DCSTAMP: variants seen among roughly 807,000 people sequenced by gnomAD.
The protein encoded by DCSTAMP is dendritic cell-specific transmembrane protein.
DCSTAMP carries 25 observed loss-of-function variants against 33.8 expected under a neutral mutation model. That is an observed-to-expected ratio of 0.74 (90% CI 0.54 to 1.03). The LOEUF (loss-of-function observed/expected upper bound fraction) is 1.03. DCSTAMP is among the 50% of genes least tolerant of loss of function. The pLI is 0.00. For synonymous variants in DCSTAMP, 245 were observed against 216.7 expected (o/e 1.13, Z -1.15); for missense variants, 531 against 556.8 (o/e 0.95, Z 0.47).
In DCSTAMP at chr8:104,349,089, C is replaced by A. The variant is rs745982203; in HGVS notation, c.537C>A (p.Ser179Arg). Reference sequence around the variant, plus strand: ...TGGCAGTCTCTCTTTTCAGTCCCAGCCATGTCCTGGAGGCACAGCTAAATG... The same window carrying A: ...TGGCAGTCTCTCTTTTCAGTCCCAGACATGTCCTGGAGGCACAGCTAAATG... ...QTLAVSLFSP[S>R]HVLEAQLNDS... Residue 179 changes from serine (S) to arginine (R), a missense_variant, in exon 2 of 4, where the codon AGC (serine) becomes AGA (arginine). Physicochemically the swap from Ser to Arg is moderately radical, Grantham distance 110. Transcript: ENST00000297581. 11 of 1,614,110 alleles carry A rather than the reference C, an allele frequency of 6.8e-6. No homozygotes were observed. In the Admixed American group the frequency reaches 1.8e-4, roughly 27 times the overall value.
chr8:104,354,953 C>A lies in DCSTAMP; in HGVS notation c.1106C>A (p.Pro369Gln), dbSNP rs146130500. 1.9e-6 allele frequency: 3 copies of A among 1,613,666 alleles called. No homozygotes were observed. The highest frequency in any genetic ancestry group is 1.3e-5 in the African/African-American group (1 of 74,988). ...TTTGAACCCAACTGTATCCCAAAAC[C>A]AAAATTCCTTCTATCTGAGACCTGG... Reference protein sequence around the residue: ...SVFEPNCIPKPKFLLSETWVP... With the variant: ...SVFEPNCIPKQKFLLSETWVP... The change falls in exon 3 of 4, where the codon CCA (proline) becomes CAA (glutamine). Residue 369 changes from proline (P) to glutamine (Q), a missense_variant. Transcript: ENST00000297581.
At chr8:104,350,747 A>G (rs909249425) in intron 2 of DCSTAMP, among the ~76,000 whole-genome samples, 1 of 152,238 alleles carries the variant, frequency 6.6e-6, no homozygotes, top group Non-Finnish European at 1.5e-5. Context: ...ACTCTGGTCT[A>G]GGTCTTAGAA....
Position 104,349,417 on chromosome 8 carries a change from G to T in DCSTAMP, c.865G>T (p.Glu289Ter). The T allele has an allele frequency of 6.2e-7, 1 of 1,614,142 alleles. No homozygotes were observed. Among genetic ancestry groups the T allele is most frequent in the Non-Finnish European group, 8.5e-7 (1 of 1,180,024 alleles). ...IIPTFWPTPK[E>*]RKNLGLFFLP... Reference sequence around the variant, plus strand: ...CCCGACTTTCTGGCCGACTCCTAAAGAAAGGAAAAACCTGGGGCTGTTTTT... The same window carrying T: ...CCCGACTTTCTGGCCGACTCCTAAATAAAGGAAAAACCTGGGGCTGTTTTT... Residue 289 changes from glutamate (E) to a stop codon, truncating the protein, a stop_gained, in exon 2 of 4, where the codon GAA becomes TAA. Coordinates refer to ENST00000297581, the MANE Select transcript of DCSTAMP (RefSeq NM_030788.4). LOFTEE classifies it high-confidence loss of function.
At position 104,348,844 on chromosome 8, in the gene DCSTAMP, T is replaced by C; in HGVS notation, c.292T>C (p.Leu98=). 6.2e-7 allele frequency: 1 copy of C among 1,614,240 alleles called. No homozygotes were observed. Among genetic ancestry groups the C allele is most frequent in the Non-Finnish European group, 8.5e-7 (1 of 1,180,040 alleles). ...TGGCCTGCGTGAAGGCAGGAATGCT[T>C]TGATTGCAGCTGGCACAGGGATCGT... is the stretch of plus-strand genomic sequence containing the variant. ...SCGLREGRNA[L]IAAGTGIVIL... Residue 98 remains leucine (L), a synonymous_variant, in exon 2 of 4, where the codon TTG becomes CTG. Transcript: ENST00000297581.
At chr8:104,340,527 CAGGTGCTGGGCTTTG>C (rs772836513) in intron 1 of DCSTAMP, 1 of 152,224 alleles carries the variant, frequency 6.6e-6, no homozygotes, top group Non-Finnish European at 1.5e-5. Context: ...GTTCCACTCC[CAGGTGCTGGGCTTTG>C]ATGTTCTGTC....
At chr8:104,340,865 G>A (rs1459417583) in intron 1 of DCSTAMP, among the ~76,000 whole-genome samples, 2 of 152,218 alleles carry the variant, frequency 1.3e-5, no homozygotes, top group East Asian at 1.9e-4. Context: ...GCAGGGGACC[G>A]GCAGGGCTGG....
rs753551234 is a variant in DCSTAMP at position 104,354,934 on chromosome 8, C to T, written c.1087C>T (p.Pro363Ser). Reference sequence around the variant, plus strand: ...TTCCTTTAATATATCTGTGTTTGAACCCAACTGTATCCCAAAACCAAAATT... The same window carrying T: ...TTCCTTTAATATATCTGTGTTTGAATCCAACTGTATCCCAAAACCAAAATT... ...DSSFNISVFE[P>S]NCIPKPKFLL... is the part of the protein sequence containing the mutation. Residue 363 changes from proline (P) to serine (S), a missense_variant, in exon 3 of 4, where the codon CCC becomes TCC. By Grantham distance (74) the Pro-to-Ser change is moderately conservative. Transcript: ENST00000297581. The T allele has an allele frequency of 1.2e-6, 2 of 1,612,048 alleles. No homozygotes were observed. Among genetic ancestry groups the T allele is most frequent in the East Asian group, 2.2e-5 (1 of 44,872 alleles).
chr8:104,343,309 C>A (rs150705809), intron 1 of DCSTAMP, among the ~76,000 whole-genome samples: 1 of 152,188 alleles, frequency 6.6e-6, no homozygotes, highest in Non-Finnish European at 1.5e-5. Context: ...GGTTAGAAAG[C>A]GTGTATATCA....
chr8:104,342,021 C>T (rs560500760), intron 1 of DCSTAMP, among the ~76,000 whole-genome samples: 1 of 152,220 alleles, frequency 6.6e-6, no homozygotes, highest in South Asian at 2.1e-4. Flanking sequence ...ATCAGGTAAA[C>T]TTTTAGATGC....
At chr8:104,345,503 G>C (rs1456186495) in intron 1 of DCSTAMP, among the ~76,000 whole-genome samples, 1 of 152,128 alleles carries the variant, frequency 6.6e-6, no homozygotes, top group Non-Finnish European at 1.5e-5. Flanking sequence ...AAATAAGAAG[G>C]ATAATATTAG....
intron 1 of DCSTAMP, among the ~76,000 whole-genome samples, chr8:104,344,155 C>T (rs539529421): frequency 6.6e-6 from 1 of 152,174 alleles, no homozygotes; most frequent in Non-Finnish European, 1.5e-5. Flanking sequence ...TTTTCCTCAA[C>T]TGTGACTATC....
chr8:104,350,945 T>G (rs1025523616), intron 2 of DCSTAMP, among the ~76,000 whole-genome samples: 4 of 152,192 alleles, frequency 2.6e-5, no homozygotes, highest in African/African-American at 9.6e-5. Flanking sequence ...TGAGAACCCC[T>G]GTTCTAAACC....
chr8:104,355,342 G>A (rs187041705), intron 3 of DCSTAMP, among the ~76,000 whole-genome samples, 157 bp downstream of exon 3: 10 of 152,286 alleles, frequency 6.6e-5, no homozygotes, highest in Admixed American at 1.3e-4. Context: ...ACAAACGTAC[G>A]TGGCTAGGAC....
chr8:104,343,582 G>A lies in DCSTAMP; in HGVS notation c.-13+3720G>A, dbSNP rs572195899. Reference sequence around the variant, plus strand: ...AAGGTTAAATGAGGTCCTAAGTGTGGAGCCCTCATCTGATAGGACTAGTGT... The same window carrying A: ...AAGGTTAAATGAGGTCCTAAGTGTGAAGCCCTCATCTGATAGGACTAGTGT... On this transcript the variant is annotated intron_variant, in intron 1 of 3. Coordinates refer to ENST00000297581, the MANE Select transcript of DCSTAMP (RefSeq NM_030788.4). Among the ~76,000 whole-genome samples the A allele has an allele frequency of 5.9e-5, 9 of 152,336 alleles. No homozygotes were observed. The East Asian group carries it at 1.3e-3, about 23-fold the overall frequency.
intron 3 of DCSTAMP, among the ~76,000 whole-genome samples, chr8:104,355,875 C>T (rs1056696252): frequency 5.9e-5 from 9 of 152,096 alleles, no homozygotes; most frequent in African/African-American, 1.7e-4. Flanking sequence ...TGCTACTGGA[C>T]GGAGATCATG....
chr8:104,341,612 T>C (rs2099382858), intron 1 of DCSTAMP, among the ~76,000 whole-genome samples: 1 of 152,220 alleles, frequency 6.6e-6, no homozygotes, highest in Admixed American at 6.5e-5. Context: ...GGCAACAGCT[T>C]GGCCCTGCAT....
chr8:104,349,366 G>A lies in DCSTAMP; in HGVS notation c.814G>A (p.Glu272Lys), dbSNP rs752110585. ...QRPCVLPLNK[E>K]ERRKYVIIPT... ...GCCCTGTGTGCTCCCGCTGAATAAG[G>A]AGGAAAGGAGGAAGTATGTCATCAT... Residue 272 changes from glutamate (E) to lysine (K), a missense_variant, in exon 2 of 4, where the codon GAG becomes AAG. By Grantham distance (56) the Glu-to-Lys change is moderately conservative. Transcript: ENST00000297581. 6.2e-7 allele frequency: 1 copy of A among 1,614,108 alleles called. No homozygotes were observed. The highest frequency in any genetic ancestry group is 1.3e-5 in the African/African-American group (1 of 74,906).
chr8:104,356,272 G>A lies in DCSTAMP; in HGVS notation c.*74G>A. The A allele has an allele frequency of 6.9e-7, 1 of 1,451,652 alleles. No homozygotes were observed. Among genetic ancestry groups the A allele is most frequent in the Non-Finnish European group, 9.4e-7 (1 of 1,063,778 alleles). The allele number at this position is 1,451,652 out of a possible 1,614,324, so 89.9% of individuals were successfully genotyped here. ...GTCTAGGATGGCAGTCACTATTCAT[G>A]CCGGATAATAGAGAACTATGTGACG... On this transcript the variant is annotated 3_prime_UTR_variant, in exon 4 of 4. Transcript: ENST00000297581.
chr8:104,354,946 C>T lies in DCSTAMP; in HGVS notation c.1099C>T (p.Pro367Ser). The T allele has an allele frequency of 6.2e-7, 1 of 1,613,588 alleles. No individual in the cohort carries two copies. Among genetic ancestry groups the T allele is most frequent in the Non-Finnish European group, 8.5e-7 (1 of 1,179,548 alleles). ...NISVFEPNCI[P>S]KPKFLLSETW... ...ATCTGTGTTTGAACCCAACTGTATC[C>T]CAAAACCAAAATTCCTTCTATCTGA... Residue 367 changes from proline (P) to serine (S), a missense_variant, in exon 3 of 4, where the codon CCA becomes TCA. Coordinates refer to ENST00000297581, the MANE Select transcript of DCSTAMP (RefSeq NM_030788.4).
Sources: gnomAD v4.1 joint callset for allele counts (sites outside exome capture counted in the v4.1 genomes callset) on GRCh38, gnomAD v4.1.1 for gene constraint, MANE v1.5 for transcripts, NCBI Gene and HGNC (gene_info 2026-07-23, HGNC 2026-07-21) for gene names.